Variants in WWC2 observed in about 807,000 individuals in gnomAD.
The protein encoded by WWC2 is WW and C2 domain containing 2.
A neutral mutation model predicts 138.5 loss-of-function variants in WWC2; 101 were observed. The ratio of observed to expected loss-of-function variants is 0.73; its 90% confidence interval spans 0.62 to 0.86. The LOEUF (loss-of-function observed/expected upper bound fraction) is 0.86, where lower values mean the gene tolerates loss of function less well. Among genes scored for constraint, WWC2 ranks in the 40% least tolerant of loss-of-function variants. The pLI is 0.00. For missense variants in WWC2, 1,420 were observed against 1,419.4 expected (o/e 1.00, Z -0.01); for synonymous variants, 558 against 538.4 (o/e 1.04, Z -0.50).
intron 2 of WWC2, among the ~76,000 whole-genome samples, chr4:183,196,833 A>AC (rs1409042795): frequency 6.6e-6 from 1 of 152,018 alleles, no homozygotes; most frequent in Admixed American, 6.5e-5. Context: ...CTTCTCTGAT[A>AC]CCCACCCCTC....
At chr4:183,193,310 G>A (rs1038380281) in intron 1 of WWC2, among the ~76,000 whole-genome samples, 10 of 152,178 alleles carry the variant, frequency 6.6e-5, no homozygotes, top group African/African-American at 2.4e-4. Flanking sequence ...TGCAGAGCTA[G>A]AGCTAGATCC....
chr4:183,307,318 T>G (rs1287714028), intron 21 of WWC2, among the ~76,000 whole-genome samples: 35 of 152,200 alleles, frequency 2.3e-4, no homozygotes, highest in Admixed American at 2.3e-3. Flanking sequence ...TTTGTAGGAT[T>G]TTGGAGGACA....
At chr4:183,213,087 C>T (rs535052527) in intron 4 of WWC2, among the ~76,000 whole-genome samples, 1 of 152,324 alleles carries the variant, frequency 6.6e-6, no homozygotes, top group African/African-American at 2.4e-5. Context: ...TTGTTTAATA[C>T]TTCCTGGCAC....
chr4:183,312,255 C>T, intron 21 of WWC2, 86 bp from the exon 22 acceptor site: 1 of 1,559,058 alleles, frequency 6.4e-7, no homozygotes, highest in South Asian at 1.1e-5. Context: ...GACTTTAGTC[C>T]ACAATCTTTG....
intron 1 of WWC2, among the ~76,000 whole-genome samples, chr4:183,191,418 G>A (rs1406505116): frequency 6.6e-6 from 1 of 151,938 alleles, no homozygotes; most frequent in Non-Finnish European, 1.5e-5. Context: ...ACCATTTCTC[G>A]GGTGTTATAC....
intron 4 of WWC2, among the ~76,000 whole-genome samples, chr4:183,228,974 A>G (rs565451050): frequency 3.2e-4 from 48 of 152,242 alleles, no homozygotes; most frequent in Non-Finnish European, 6.2e-4. Flanking sequence ...TACACACTGT[A>G]TGAGTCCACT....
chr4:183,296,933 C>CAAA (rs776211338), intron 21 of WWC2, among the ~76,000 whole-genome samples: 8 of 70,756 alleles, frequency 1.1e-4, no homozygotes, highest in East Asian at 5.7e-4. Context: ...GACTCCGTCT[C>CAAA]AAAAAAAAAA....
chr4:183,137,295 A>T (rs544856533), intron 1 of WWC2, among the ~76,000 whole-genome samples: 2 of 152,210 alleles, frequency 1.3e-5, no homozygotes, highest in East Asian at 3.8e-4. Context: ...TAACAGCCTA[A>T]AACACACACA....
intron 1 of WWC2, among the ~76,000 whole-genome samples, chr4:183,116,946 G>A (rs1452623250): frequency 1.3e-5 from 2 of 152,122 alleles, no homozygotes; most frequent in African/African-American, 4.8e-5. Context: ...CCTTGTTCCA[G>A]TGTTTTCAGT....
chr4:183,218,160 T>C (rs552704700), intron 4 of WWC2, among the ~76,000 whole-genome samples: 36 of 152,288 alleles, frequency 2.4e-4, no homozygotes, highest in African/African-American at 8.7e-4. Flanking sequence ...AGTGAAAATA[T>C]CTTTTAAATT....
rs1732265568 is a variant in WWC2, at chr4:183,112,503, A to G, written c.131+12881A>G. On this transcript the variant is annotated intron_variant, in intron 1 of 22. Transcript: ENST00000403733. ...AACCTCCATAATTTGTCCCCAGCTT[A>G]CTTTACTGACTTCACCACCTAGTCA... Among the ~76,000 whole-genome samples, 3 of 152,324 alleles carry G rather than the reference A, an allele frequency of 2.0e-5. No homozygotes were observed. In the South Asian group the frequency reaches 6.2e-4, roughly 32 times the overall value.
At chr4:183,100,567 T>C (rs2152885120) in intron 1 of WWC2, among the ~76,000 whole-genome samples, 1 of 152,302 alleles carries the variant, frequency 6.6e-6, no homozygotes, top group South Asian at 2.1e-4. Context: ...TTTGGACTTT[T>C]GTCATTTCTG....
intron 4 of WWC2, among the ~76,000 whole-genome samples, chr4:183,224,728 T>G (rs532948754): frequency 5.7e-4 from 87 of 152,116 alleles, no homozygotes; most frequent in Non-Finnish European, 8.1e-4. Flanking sequence ...GCCTAGCTAA[T>G]TTTTGTATGT....
intron 1 of WWC2, among the ~76,000 whole-genome samples, chr4:183,143,793 G>GA (rs1733371590): frequency 6.6e-6 from 1 of 151,482 alleles, no homozygotes; most frequent in South Asian, 2.1e-4. Context: ...GGGCAACAGA[G>GA]ATAGACCCTG....
intron 4 of WWC2, among the ~76,000 whole-genome samples, chr4:183,236,169 T>C (rs912182216): frequency 1.3e-5 from 2 of 152,192 alleles, no homozygotes; most frequent in African/African-American, 4.8e-5. Context: ...ACTGTATATT[T>C]ATGGATTTGT....
chr4:183,134,977 G>T (rs1012653904), intron 1 of WWC2, among the ~76,000 whole-genome samples: 11 of 151,578 alleles, frequency 7.3e-5, no homozygotes, highest in African/African-American at 2.4e-4. Flanking sequence ...TGTTGCCCAG[G>T]CTGGAGTGCA....
chr4:183,187,430 TG>T (rs1386131282), intron 1 of WWC2, among the ~76,000 whole-genome samples: 1 of 151,468 alleles, frequency 6.6e-6, no homozygotes, highest in Non-Finnish European at 1.5e-5. Context: ...GGCACGCACC[TG>T]TAGTCCCAGC....
Position 183,158,195 on chromosome 4 carries a change from A to G in WWC2, c.132-35404A>G, listed in dbSNP as rs72697319. Among the ~76,000 whole-genome samples the G allele has an allele frequency of 9.7e-3, 1,482 of 152,292 alleles. 12 individuals carry two copies. Among genetic ancestry groups the G allele is most frequent in the Non-Finnish European group, 0.016 (1,101 of 68,024 alleles). ...GAGATATACAGTCAGTTCTGTTACA[A>G]TGCAGCGTATGCATTCTTGAAAATC... is the stretch of plus-strand genomic sequence containing the variant. On this transcript the variant is annotated intron_variant, in intron 1 of 22. Transcript: ENST00000403733.
intron 1 of WWC2, among the ~76,000 whole-genome samples, chr4:183,138,381 A>T (rs1198276830): frequency 1.3e-5 from 2 of 152,104 alleles, no homozygotes; most frequent in African/African-American, 2.4e-5. Flanking sequence ...GTGGTTGTAG[A>T]TCCTAATTAG....
Sources: allele counts gnomAD v4.1 joint callset (sites outside exome capture counted in the v4.1 genomes callset), GRCh38; gene constraint gnomAD v4.1.1; transcripts MANE v1.5; gene names NCBI Gene and HGNC (gene_info 2026-07-23, HGNC 2026-07-21).